Variants in GLIS3 observed in about 807,000 individuals in gnomAD.
GLIS3 encodes zinc finger protein GLIS3.
In GLIS3, 53 loss-of-function variants were observed where a neutral mutation model predicts 78.6. The ratio of observed to expected loss-of-function variants is 0.67; its 90% CI spans 0.54 to 0.85. The LOEUF (loss-of-function observed/expected upper bound fraction) is 0.85, where lower values mean the gene tolerates loss of function less well. GLIS3 is among the 40% of genes least tolerant of loss of function. GLIS3 has a pLI of 0.00. For synonymous variants in GLIS3, 684 were observed against 509.9 expected (o/e 1.34, Z -4.60); for missense variants, 1,703 against 1,231.1 (o/e 1.38, Z -5.74).
intron 4 of GLIS3, among the ~76,000 whole-genome samples, chr9:4,004,516 T>C (rs1465402743): frequency 1.3e-5 from 2 of 152,166 alleles, no homozygotes; most frequent in Non-Finnish European, 2.9e-5. Context: ...TACTGTTGTG[T>C]GAAATCACCT....
upstream of GLIS3, among the ~76,000 whole-genome samples, chr9:4,304,441 A>C (rs1278642102): frequency 6.6e-6 from 1 of 152,190 alleles, no homozygotes; most frequent in Non-Finnish European, 1.5e-5. Context: ...TGCTTAGAAT[A>C]AGGAGGAGAG....
At chr9:4,260,733 A>G (rs1321827308) in intron 2 of GLIS3, among the ~76,000 whole-genome samples, 1 of 152,048 alleles carries the variant, frequency 6.6e-6, no homozygotes, top group Non-Finnish European at 1.5e-5. Context: ...TGACAGAGCA[A>G]GACTCCGTCC....
chr9:4,212,526 G>A (rs571314291), intron 2 of GLIS3, among the ~76,000 whole-genome samples: 1 of 152,202 alleles, frequency 6.6e-6, no homozygotes, highest in Non-Finnish European at 1.5e-5. Context: ...AGCAGTGTGT[G>A]CTACAACAGG....
intron 2 of GLIS3, among the ~76,000 whole-genome samples, chr9:4,181,332 T>A (rs1192415545): frequency 6.6e-6 from 1 of 152,180 alleles, no homozygotes; most frequent in Admixed American, 6.5e-5. Context: ...CTCAGACCCA[T>A]CCCAGCCACT....
At chr9:4,076,280 C>T (rs1472315139) in intron 4 of GLIS3, among the ~76,000 whole-genome samples, 6 of 152,124 alleles carry the variant, frequency 3.9e-5, no homozygotes, top group East Asian at 1.9e-4. Context: ...AAATTTACCA[C>T]GGAGTAACAT....
At chr9:4,263,921 C>G (rs956252354) in intron 2 of GLIS3, among the ~76,000 whole-genome samples, 1 of 152,130 alleles carries the variant, frequency 6.6e-6, no homozygotes, top group Admixed American at 6.6e-5. Context: ...GCCATTTTCT[C>G]CATCCTCACT....
In GLIS3 at chr9:4,286,258, G is replaced by T; in HGVS notation, c.168C>A (p.Asn56Lys). The T allele has an allele frequency of 6.2e-7, 1 of 1,614,246 alleles. No individual in the cohort carries two copies. The highest frequency in any genetic ancestry group is 1.1e-5 in the South Asian group (1 of 91,088). The change falls in exon 2 of 11, where the codon AAC becomes AAA. Residue 56 changes from asparagine (N) to lysine (K), a missense_variant. Physicochemically the swap from Asn to Lys is moderately conservative, Grantham distance 94. Transcript: ENST00000381971. ...CTGAGGGCATCTTGAGATGGAGGTTGTTAGCAAGGCTTGCCATAGTGGGAC... is the reference window on the plus strand; with the variant it reads ...CTGAGGGCATCTTGAGATGGAGGTTTTTAGCAAGGCTTGCCATAGTGGGAC... ...TSSPTMASLA[N>K]NLHLKMPSGG... is the part of the protein sequence containing the mutation.
rs539681762 is a variant in GLIS3 at position 4,220,024 on chromosome 9, A to T, written c.388+66014T>A. Reference sequence around the variant, plus strand: ...GAGCTCAGAAAATCTTTTTGTACCAAAAAGTAAGGAATTGATCAAAGAATA... The same window carrying T: ...GAGCTCAGAAAATCTTTTTGTACCATAAAGTAAGGAATTGATCAAAGAATA... On this transcript the variant is annotated intron_variant, in intron 2 of 10. Transcript: ENST00000381971. Among the ~76,000 whole-genome samples, 18 of 152,320 alleles carry T rather than the reference A, an allele frequency of 1.2e-4. No homozygotes were observed. The East Asian group carries it at 2.3e-3, about 20-fold the overall frequency.
At chr9:4,275,150 A>C (rs1826867483) in intron 2 of GLIS3, among the ~76,000 whole-genome samples, 1 of 152,182 alleles carries the variant, frequency 6.6e-6, no homozygotes, top group East Asian at 1.9e-4. Context: ...GTGCTTATGC[A>C]TATACCGATG....
intron 2 of GLIS3, among the ~76,000 whole-genome samples, chr9:4,327,648 T>A (rs1391722983): frequency 6.6e-6 from 1 of 152,156 alleles, no homozygotes; most frequent in African/African-American, 2.4e-5. Flanking sequence ...ACCCACTGAA[T>A]AAAGGCCAGT....
the GLIS3 span, among the ~76,000 whole-genome samples, chr9:4,363,714 T>C: frequency 1.3e-5 from 2 of 152,206 alleles, no homozygotes; most frequent in African/African-American, 4.8e-5. Context: ...CTAAGTACAC[T>C]GGTTCACGTC....
rs573361448 is a variant in GLIS3 at position 3,881,870 on chromosome 9, G to A, written c.2129-2275C>T. Among the ~76,000 whole-genome samples, 3 of 152,298 alleles carry A rather than the reference G, an allele frequency of 2.0e-5. No individual in the cohort carries two copies. In the South Asian group the frequency reaches 6.2e-4, roughly 32 times the overall value. ...TATAAATCATTGGACAGTGTTAAAA[G>A]CACTTTAATGCACTCATTTGTGGCC... On this transcript the variant is annotated intron_variant, in intron 7 of 10. Coordinates refer to ENST00000381971, the MANE Select transcript of GLIS3 (RefSeq NM_001042413.2).
At chr9:4,250,488 C>G (rs1824263249) in intron 2 of GLIS3, among the ~76,000 whole-genome samples, 1 of 151,954 alleles carries the variant, frequency 6.6e-6, no homozygotes, top group Admixed American at 6.6e-5. Context: ...TTTATTGTGT[C>G]TATTTGATTA....
the GLIS3 span, among the ~76,000 whole-genome samples, chr9:4,457,177 A>G: frequency 6.6e-6 from 1 of 152,196 alleles, no homozygotes; most frequent in Middle Eastern, 3.4e-3. Flanking sequence ...AGCTGAGGCA[A>G]TATAGTGAGA....
chr9:4,345,854 G>A (rs1474110463), intron 2 of GLIS3, among the ~76,000 whole-genome samples: 1 of 152,184 alleles, frequency 6.6e-6, no homozygotes, highest in Non-Finnish European at 1.5e-5. Context: ...GGAATGACAC[G>A]TCTTTTTTTC....
chr9:4,034,829 C>T (rs926211499), intron 4 of GLIS3: 5 of 152,124 alleles, frequency 3.3e-5, no homozygotes. Flanking sequence ...ACCTGAATGT[C>T]ACTTGGTGTC....
chr9:4,458,613 TC>T, the GLIS3 span, among the ~76,000 whole-genome samples: 1 of 151,904 alleles, frequency 6.6e-6, no homozygotes, highest in Non-Finnish European at 1.5e-5. Flanking sequence ...CATAGTGAAA[TC>T]CCATCTCTAC....
rs1229181246 is a variant in GLIS3, at chr9:4,216,247, C to T, written c.388+69791G>A. ...CAGCACTTTGGGAGGCCGAGGTGGG[C>T]AGATCATGAGGTCAGGAAATCGAGA... On this transcript the variant is annotated intron_variant, in intron 2 of 10. Transcript: ENST00000381971. 1.3e-4 allele frequency among the ~76,000 whole-genome samples: 20 copies of T among 151,964 alleles called. No individual in the cohort carries two copies. The East Asian group carries it at 1.7e-3, about 13-fold the overall frequency.
rs79126388 is a variant in GLIS3, at chr9:4,021,897, G to A, written c.1711-84708C>T. On this transcript the variant is annotated intron_variant, in intron 4 of 10. Coordinates refer to ENST00000381971, the MANE Select transcript of GLIS3 (RefSeq NM_001042413.2). ...TCTAACATTTGAAGCTCCCCCAGCGGTTATTTGGGTACCCTCCTTAGCCAA... is the reference window on the plus strand; with the variant it reads ...TCTAACATTTGAAGCTCCCCCAGCGATTATTTGGGTACCCTCCTTAGCCAA... Among the ~76,000 whole-genome samples the A allele has an allele frequency of 2.1e-3, 322 of 152,280 alleles. 4 individuals carry two copies. Among genetic ancestry groups the A allele is most frequent in the African/African-American group, 7.4e-3 (309 of 41,556 alleles).
Sources: allele counts gnomAD v4.1 joint callset (sites outside exome capture counted in the v4.1 genomes callset), GRCh38; gene constraint gnomAD v4.1.1; transcripts MANE v1.5; gene names NCBI Gene and HGNC (gene_info 2026-07-23, HGNC 2026-07-21).